The following GRID1 variants were observed in gnomAD, a reference collection of about 807,000 sequenced individuals.
GRID1 encodes glutamate receptor ionotropic, delta-1.
GRID1 carries 28 observed loss-of-function variants against 98.0 expected under a neutral mutation model. The observed-to-expected ratio is 0.29, with a 90% CI of 0.21 to 0.39. The LOEUF (loss-of-function observed/expected upper bound fraction) is 0.39, where lower values mean the gene tolerates loss of function less well. Among genes scored for constraint, GRID1 ranks in the 10% least tolerant of loss-of-function variants. The pLI is 1.00. For missense variants in GRID1, 1,111 were observed against 1,340.5 expected (o/e 0.83, Z 2.67); for synonymous variants, 553 against 538.5 (o/e 1.03, Z -0.37).
chr10:86,245,941 G>A (rs1846719479), intron 2 of GRID1, among the ~76,000 whole-genome samples: 1 of 152,266 alleles, frequency 6.6e-6, no homozygotes, highest in Non-Finnish European at 1.5e-5. Context: ...GCCTCCCTGA[G>A]GCAGATGTCA....
intron 4 of GRID1, among the ~76,000 whole-genome samples, chr10:86,067,286 C>T (rs1843735657): frequency 6.6e-6 from 1 of 152,170 alleles, no homozygotes; most frequent in South Asian, 2.1e-4. Context: ...GCCAATTAAA[C>T]CTGGGGAGCT....
intron 8 of GRID1, among the ~76,000 whole-genome samples, chr10:85,806,107 A>G (rs560311464): frequency 6.6e-6 from 1 of 150,434 alleles, no homozygotes; most frequent in East Asian, 1.9e-4. Context: ...AAGAAATTAT[A>G]TAACTCAATC....
At chr10:86,089,496 G>A (rs147681849) in intron 4 of GRID1, among the ~76,000 whole-genome samples, 61 of 152,284 alleles carry the variant, frequency 4.0e-4, no homozygotes, top group African/African-American at 1.4e-3. Context: ...GCCTCATAAC[G>A]TAATTCCCCA....
chr10:85,787,547 C>A (rs181403058), intron 8 of GRID1, among the ~76,000 whole-genome samples: 2 of 152,276 alleles, frequency 1.3e-5, no homozygotes, highest in African/African-American at 2.4e-5. Context: ...TGGGAGGGAA[C>A]AACAAGGGGC....
chr10:85,797,229 C>A (rs1420794702), intron 8 of GRID1, among the ~76,000 whole-genome samples: 1 of 150,204 alleles, frequency 6.7e-6, no homozygotes. Flanking sequence ...TTCAAATTTC[C>A]TTTTTTTTTA....
intron 13 of GRID1, among the ~76,000 whole-genome samples, chr10:85,629,761 G>C (rs1842955264): frequency 6.6e-6 from 1 of 152,104 alleles, no homozygotes; most frequent in Non-Finnish European, 1.5e-5. Flanking sequence ...GTAGTTCTAT[G>C]TTTAGTTTTT....
chr10:85,969,753 A>G (rs867882672), intron 4 of GRID1, among the ~76,000 whole-genome samples: 1 of 152,052 alleles, frequency 6.6e-6, no homozygotes, highest in African/African-American at 2.4e-5. Context: ...GAAGGCCTCA[A>G]ATCAGTAACT....
chr10:86,248,563 CTTTTTTTTTTTTTTTTTTTTT>C (rs200060771), intron 2 of GRID1, among the ~76,000 whole-genome samples: 1 of 121,836 alleles, frequency 8.2e-6, no homozygotes. Flanking sequence ...CATGACAATT[CTTTTTTTTTTTTTTTTTTTTT>C]TTTTTTTTTT....
At chr10:85,939,045 T>C (rs1017901684) in intron 4 of GRID1, among the ~76,000 whole-genome samples, 2 of 152,210 alleles carry the variant, frequency 1.3e-5, no homozygotes, top group Non-Finnish European at 2.9e-5. Flanking sequence ...CCTTGTCAAA[T>C]GGTTGTCCCT....
intron 2 of GRID1, among the ~76,000 whole-genome samples, chr10:86,264,329 A>C (rs1477284833): frequency 6.6e-6 from 1 of 152,112 alleles, no homozygotes; most frequent in Admixed American, 6.6e-5. Context: ...TTGGCCCGGA[A>C]ACTTGCTGGA....
chr10:86,306,148 G>A (rs932410174), intron 2 of GRID1, among the ~76,000 whole-genome samples: 5 of 152,186 alleles, frequency 3.3e-5, no homozygotes, highest in Non-Finnish European at 7.3e-5. Context: ...TTTAGTCAAG[G>A]CTTTGGGCAA....
intron 3 of GRID1, among the ~76,000 whole-genome samples, chr10:86,149,184 T>C (rs1845128047): frequency 6.6e-6 from 1 of 152,212 alleles, no homozygotes; most frequent in Non-Finnish European, 1.5e-5. Flanking sequence ...CTCTCCCTTC[T>C]GTGATAATGG....
chr10:86,222,115 G>A (rs1397732609), intron 2 of GRID1, among the ~76,000 whole-genome samples: 5 of 152,186 alleles, frequency 3.3e-5, no homozygotes, highest in African/African-American at 9.7e-5. Flanking sequence ...GGTGGTCCCC[G>A]AGGGTCCTGC....
At chr10:85,969,974 A>G (rs906381352) in intron 4 of GRID1, among the ~76,000 whole-genome samples, 4 of 152,012 alleles carry the variant, frequency 2.6e-5, no homozygotes, top group African/African-American at 4.8e-5. Context: ...ATTATAGAAG[A>G]TTCAAATTAC....
chr10:86,238,312 C>A (rs183231412), intron 2 of GRID1, among the ~76,000 whole-genome samples: 1 of 152,326 alleles, frequency 6.6e-6, no homozygotes, highest in East Asian at 1.9e-4. Context: ...CTGCTCTGTG[C>A]AGCCTTGGGA....
At chr10:85,743,248 C>A (rs1192883553) in intron 8 of GRID1, among the ~76,000 whole-genome samples, 1 of 152,016 alleles carries the variant, frequency 6.6e-6, no homozygotes, top group East Asian at 1.9e-4. Context: ...GCCTTCCAAT[C>A]ACCTCTGCCA....
chr10:86,316,861 A>G (rs1847906866), intron 2 of GRID1, among the ~76,000 whole-genome samples: 2 of 152,232 alleles, frequency 1.3e-5, no homozygotes, highest in South Asian at 4.1e-4. Flanking sequence ...GGCATTCAGA[A>G]GCACATTATT....
At chr10:86,134,544 A>G (rs902770729) in intron 4 of GRID1, among the ~76,000 whole-genome samples, 1 of 152,094 alleles carries the variant, frequency 6.6e-6, no homozygotes, top group African/African-American at 2.4e-5. Flanking sequence ...CCTGAAAAGG[A>G]CCCCAAGAAC....
At chr10:86,275,135 T>A (rs1233405057) in intron 2 of GRID1, among the ~76,000 whole-genome samples, 1 of 152,220 alleles carries the variant, frequency 6.6e-6, no homozygotes, top group Non-Finnish European at 1.5e-5. Context: ...TTTTAGCTCA[T>A]GGCATTCAAG....
Sources: gnomAD v4.1 joint callset for allele counts (sites outside exome capture counted in the v4.1 genomes callset) on GRCh38, gnomAD v4.1.1 for gene constraint, MANE v1.5 for transcripts, NCBI Gene and HGNC (gene_info 2026-07-23, HGNC 2026-07-21) for gene names.